The following TGFBI variants were observed in gnomAD, a reference collection of about 807,000 sequenced individuals.
The protein encoded by TGFBI is transforming growth factor beta induced.
TGFBI carries 50 observed loss-of-function variants against 73.7 expected under a neutral mutation model. The ratio of observed to expected loss-of-function variants is 0.68; its 90% CI spans 0.54 to 0.86. The LOEUF (loss-of-function observed/expected upper bound fraction) is 0.86, where lower values mean the gene tolerates loss of function less well. Among genes scored for constraint, TGFBI ranks in the 40% least tolerant of loss-of-function variants. The pLI, the probability that TGFBI is intolerant of heterozygous loss-of-function variation, is 0.00. For synonymous variants in TGFBI, 362 were observed against 360.5 expected (o/e 1.00, Z -0.05); for missense variants, 839 against 877.0 (o/e 0.96, Z 0.55).
chr5:136,046,271 A>C, intron 3 of TGFBI, 64 bp from the exon 4 acceptor site: 4 of 1,591,420 alleles, frequency 2.5e-6, no homozygotes, highest in Non-Finnish European at 3.4e-6. Context: ...CTGTCAGAGA[A>C]GGGAGGGTGT....
chr5:136,056,073 T>C (rs1030795820), intron 11 of TGFBI, among the ~76,000 whole-genome samples: 1 of 152,198 alleles, frequency 6.6e-6, no homozygotes, highest in Non-Finnish European at 1.5e-5. Context: ...TACATTTTTA[T>C]GACTGAAGTG....
chr5:136,053,357 A>T (rs1461817215), intron 8 of TGFBI, among the ~76,000 whole-genome samples: 1 of 152,220 alleles, frequency 6.6e-6, no homozygotes, highest in African/African-American at 2.4e-5. Context: ...CTGGGGACAG[A>T]CTCAATCACA....
intron 2 of TGFBI, among the ~76,000 whole-genome samples, chr5:136,035,697 A>G (rs543306161): frequency 1.3e-5 from 2 of 151,878 alleles, no homozygotes; most frequent in East Asian, 3.9e-4. Context: ...TATATTATCT[A>G]CTCAAATTAA....
At chr5:136,040,392 C>T (rs150520594) in intron 2 of TGFBI, among the ~76,000 whole-genome samples, 45 of 152,270 alleles carry the variant, frequency 3.0e-4, no homozygotes, top group African/African-American at 7.2e-4. Flanking sequence ...GCCTGAGCTC[C>T]GCCTCCTGTC....
chr5:136,053,098 G>T lies in TGFBI; in HGVS notation c.1105G>T (p.Glu369Ter). 6.2e-7 allele frequency: 1 copy of T among 1,614,000 alleles called. No homozygotes were observed. Among genetic ancestry groups the T allele is most frequent in the South Asian group, 1.1e-5 (1 of 91,074 alleles). The change falls in exon 8 of 17, where the codon GAG (glutamate) becomes TAG (stop). Residue 369 changes from glutamate to a stop codon, truncating the protein, a stop_gained. Coordinates refer to ENST00000442011, the MANE Select transcript of TGFBI (RefSeq NM_000358.3). LOFTEE classifies it high-confidence loss of function. ...CAACGGGGTGATCCACTACATTGATGAGCTACTCATCCCAGACTCAGGTAG... is the reference window on the plus strand; with the variant it reads ...CAACGGGGTGATCCACTACATTGATTAGCTACTCATCCCAGACTCAGGTAG... ...ATNGVIHYID[E>*]LLIPDSAKTL...
In TGFBI at chr5:136,046,922, C is replaced by G. The variant is rs1033237632; in HGVS notation, c.531C>G (p.Gly177=). 6 of 1,613,768 alleles carry G rather than the reference C, an allele frequency of 3.7e-6. No homozygotes were observed. The highest frequency in any genetic ancestry group is 5.1e-6 in the Non-Finnish European group (6 of 1,179,848). ...LLNALRYHMV[G]RRVLTDELKH... Reference sequence around the variant, plus strand: ...ATGCCCTCCGCTACCATATGGTGGGCAGGCGAGTCCTGACTGATGAGCTGA... The same window carrying G: ...ATGCCCTCCGCTACCATATGGTGGGGAGGCGAGTCCTGACTGATGAGCTGA... Residue 177 remains glycine (G), a synonymous_variant, in exon 5 of 17, where the codon GGC becomes GGG. Coordinates refer to ENST00000442011, the MANE Select transcript of TGFBI (RefSeq NM_000358.3).
At chr5:136,052,835 G>T in intron 7 of TGFBI, 72 bp from the exon 8 acceptor site, 1 of 1,432,980 alleles carries the variant, frequency 7.0e-7, no homozygotes, top group Non-Finnish European at 9.6e-7. Context: ...CACAGCATGG[G>T]CAGGCTGCAA....
intron 7 of TGFBI, among the ~76,000 whole-genome samples, chr5:136,051,162 G>A (rs991383077): frequency 2.0e-5 from 3 of 152,158 alleles, no homozygotes; most frequent in Admixed American, 6.5e-5. Flanking sequence ...ACTATAGGCC[G>A]GGCATGGTTA....
In TGFBI at chr5:136,054,859, A is replaced by G. The variant is rs1464130777; in HGVS notation, c.1408A>G (p.Asn470Asp). ...AAAACTGAGAGTTTTTGTTTATCGT[A>G]ATGTAAGTTCTGGGTCCTAAATCAT... ...GKKLRVFVYR[N>D]SLCIENSCIA... Residue 470 changes from asparagine to aspartate, a missense_variant and splice_region_variant, in exon 10 of 17, where the codon AAT becomes GAT. By Grantham distance (23) the Asn-to-Asp change is conservative. Transcript: ENST00000442011. 2 of 1,613,550 alleles carry G rather than the reference A, an allele frequency of 1.2e-6. No homozygotes were observed. Among genetic ancestry groups the G allele is most frequent in the African/African-American group, 2.7e-5 (2 of 74,856 alleles).
intron 13 of TGFBI, among the ~76,000 whole-genome samples, 186 bp downstream of exon 13, chr5:136,059,400 A>T (rs987325379): frequency 6.6e-6 from 1 of 152,242 alleles, no homozygotes; most frequent in African/African-American, 2.4e-5. Flanking sequence ...GTGAGATCAT[A>T]GTTAGACATG....
chr5:136,039,299 A>C (rs1751287797), intron 2 of TGFBI, among the ~76,000 whole-genome samples: 2 of 152,214 alleles, frequency 1.3e-5, no homozygotes, highest in African/African-American at 4.8e-5. Flanking sequence ...AAAGACTTTT[A>C]TGCAACCTGG....
At chr5:136,035,718 C>T (rs1245253797) in intron 2 of TGFBI, among the ~76,000 whole-genome samples, 6 of 151,618 alleles carry the variant, frequency 4.0e-5, no homozygotes, top group African/African-American at 1.5e-4. Context: ...CAATTAATTA[C>T]TTAATTAAAC....
chr5:136,040,270 T>C (rs553212219), intron 2 of TGFBI, among the ~76,000 whole-genome samples: 1 of 152,296 alleles, frequency 6.6e-6, no homozygotes, highest in South Asian at 2.1e-4. Flanking sequence ...CTTGAAACTT[T>C]CTTCTAAATT....
intron 1 of TGFBI, among the ~76,000 whole-genome samples, chr5:136,031,928 A>G (rs1179257861): frequency 6.6e-6 from 1 of 152,200 alleles, no homozygotes; most frequent in African/African-American, 2.4e-5. Flanking sequence ...CAGCAAAGGA[A>G]TGTTGGAGCC....
At chr5:136,033,887 A>G in intron 2 of TGFBI, 26 bp downstream of exon 2, 1 of 1,593,020 alleles carries the variant, frequency 6.3e-7, no homozygotes, top group South Asian at 1.1e-5. Context: ...CAGCCAGGAG[A>G]CCAAGCTGTA....
intron 1 of TGFBI, 34 bp from the exon 2 acceptor site, chr5:136,033,729 A>G: frequency 1.3e-6 from 2 of 1,592,206 alleles, no homozygotes. Context: ...GGACGTGCTG[A>G]TCATCTTCCT....
Position 136,054,744 on chromosome 5 carries a change from A to G in TGFBI, c.1293A>G (p.Thr431=), listed in dbSNP as rs953577560. 14 of 1,613,804 alleles carry G rather than the reference A, an allele frequency of 8.7e-6. No homozygotes were observed. The highest frequency in any genetic ancestry group is 4.0e-5 in the African/African-American group (3 of 74,900). Residue 431 remains threonine, a synonymous_variant, in exon 10 of 17, where the codon ACA becomes ACG. Coordinates refer to ENST00000442011, the MANE Select transcript of TGFBI (RefSeq NM_000358.3). The part of the protein sequence containing the change: ...KDGTPPIDAH[T]RNLLRNHIIK... The stretch of plus-strand genomic sequence containing the variant: ...GAACCCCTCCAATTGATGCCCATAC[A>G]AGGAATTTGCTTCGGAACCACATAA...
chr5:136,034,349 T>G (rs1294914249), intron 2 of TGFBI, among the ~76,000 whole-genome samples: 4 of 151,992 alleles, frequency 2.6e-5, no homozygotes, highest in Admixed American at 2.0e-4. Context: ...ACAGACTTCC[T>G]CATTCAAACC....
Position 136,053,090 on chromosome 5 carries a change from A to C in TGFBI, c.1097A>C (p.Tyr366Ser), listed in dbSNP as rs972743740. Residue 366 changes from tyrosine to serine, a missense_variant, in exon 8 of 17, where the codon TAC becomes TCC. Coordinates refer to ENST00000442011, the MANE Select transcript of TGFBI (RefSeq NM_000358.3). ...DILATNGVIH[Y>S]IDELLIPDSA... ...CTAGCCACCAACGGGGTGATCCACT[A>C]CATTGATGAGCTACTCATCCCAGAC... The C allele has an allele frequency of 6.2e-7, 1 of 1,614,048 alleles. No individual in the cohort carries two copies.
Sources: gnomAD v4.1 joint callset for allele counts (sites outside exome capture counted in the v4.1 genomes callset) on GRCh38, gnomAD v4.1.1 for gene constraint, MANE v1.5 for transcripts, NCBI Gene and HGNC (gene_info 2026-07-23, HGNC 2026-07-21) for gene names.